Variants in BTRC observed in about 807,000 individuals in gnomAD.
The protein encoded by BTRC is beta-transducin repeat containing E3 ubiquitin protein ligase, also known as F-box/WD repeat-containing protein 1A.
A neutral mutation model predicts 85.5 loss-of-function variants in BTRC; 42 were observed. The ratio of observed to expected loss-of-function variants is 0.49; its 90% confidence interval spans 0.38 to 0.64. The LOEUF (loss-of-function observed/expected upper bound fraction) is 0.64, where lower values mean the gene tolerates loss of function less well. Ranked by LOEUF, BTRC falls within the 30% of genes least tolerant of loss-of-function variation. The pLI, the probability that BTRC is intolerant of heterozygous loss-of-function variation, is 0.00. For missense variants in BTRC, 594 were observed against 743.5 expected (o/e 0.80, Z 2.34); for synonymous variants, 255 against 263.3 (o/e 0.97, Z 0.30).
chr10:101,433,583 CTG>C (rs1261535358), intron 2 of BTRC, among the ~76,000 whole-genome samples: 2 of 152,116 alleles, frequency 1.3e-5, no homozygotes, highest in Non-Finnish European at 2.9e-5. Context: ...GAAAACAAGA[CTG>C]TTGTTTCAGA....
chr10:101,539,169 A>G (rs2062431140), intron 13 of BTRC, among the ~76,000 whole-genome samples: 1 of 152,096 alleles, frequency 6.6e-6, no homozygotes. Context: ...TTTGTTCCCC[A>G]TATACCCCCT....
chr10:101,372,726 A>G (rs939228362), intron 1 of BTRC, among the ~76,000 whole-genome samples: 12 of 151,600 alleles, frequency 7.9e-5, no homozygotes, highest in African/African-American at 4.8e-5. Flanking sequence ...TTAGCCGGGC[A>G]TGGTGGGGCA....
chr10:101,508,957 GTTA>G (rs1164635519), intron 4 of BTRC, among the ~76,000 whole-genome samples: 2 of 138,138 alleles, frequency 1.4e-5, no homozygotes, highest in African/African-American at 5.1e-5. Flanking sequence ...AATGTTAAAA[GTTA>G]TTATCCCACT....
chr10:101,401,923 A>G (rs1291014761), intron 1 of BTRC, among the ~76,000 whole-genome samples: 2 of 152,090 alleles, frequency 1.3e-5, no homozygotes, highest in Admixed American at 6.5e-5. Context: ...AAAGAAAAAC[A>G]GAATGTTGAT....
At chr10:101,485,328 C>T (rs977852564) in intron 4 of BTRC, among the ~76,000 whole-genome samples, 2 of 152,236 alleles carry the variant, frequency 1.3e-5, no homozygotes, top group Non-Finnish European at 2.9e-5. Flanking sequence ...AAACTGAAAG[C>T]TGTCAACAAA....
intron 4 of BTRC, among the ~76,000 whole-genome samples, chr10:101,493,427 G>A (rs1290793842): frequency 6.6e-6 from 1 of 152,170 alleles, no homozygotes; most frequent in Admixed American, 6.5e-5. Flanking sequence ...TTTGCCCAAG[G>A]TCATACTGTA....
At chr10:101,425,576 G>A (rs1245662011) in intron 1 of BTRC, among the ~76,000 whole-genome samples, 2 of 151,896 alleles carry the variant, frequency 1.3e-5, no homozygotes, top group African/African-American at 4.8e-5. Context: ...TTAACAGAAG[G>A]TAAATATTTA....
intron 4 of BTRC, among the ~76,000 whole-genome samples, chr10:101,506,418 A>C (rs1417100604): frequency 6.6e-6 from 1 of 152,026 alleles, no homozygotes; most frequent in Non-Finnish European, 1.5e-5. Context: ...TTTTTTTGTA[A>C]TATTTCAATA....
At chr10:101,441,271 A>G (rs1944672295) in intron 2 of BTRC, among the ~76,000 whole-genome samples, 1 of 152,232 alleles carries the variant, frequency 6.6e-6, no homozygotes, top group Non-Finnish European at 1.5e-5. Context: ...CTTCTTATGT[A>G]TTATGCATCA....
chr10:101,371,241 A>G (rs1342030634), intron 1 of BTRC, among the ~76,000 whole-genome samples: 1 of 151,642 alleles, frequency 6.6e-6, no homozygotes, highest in African/African-American at 2.4e-5. Context: ...CTGGAGTGCA[A>G]TGAATGGCAC....
At position 101,442,271 on chromosome 10, in the gene BTRC, T is replaced by TCTCTCTCTCTCTCTCC. The variant is rs1253207353; in HGVS notation, c.156+11831_156+11832insCTCCCTCTCTCTCTCT. ...CACTAATTGAATTAGAATCTCTCTC[T>TCTCTCTCTCTCTCTCC]CTCTCTCTCTCTGTCTCTGTGTGTA... On this transcript the variant is annotated intron_variant, in intron 2 of 14. Coordinates refer to ENST00000370187, the MANE Select transcript of BTRC (RefSeq NM_033637.4). 6.2e-3 allele frequency among the ~76,000 whole-genome samples: 857 copies of TCTCTCTCTCTCTCTCC among 137,968 alleles called. 5 individuals are homozygous for TCTCTCTCTCTCTCTCC. The highest frequency in any genetic ancestry group is 0.011 in the Non-Finnish European group (654 of 61,662). 90.5% of individuals were successfully genotyped at this position (137,968 alleles called of 152,430 possible). A position where few individuals can be genotyped will look rare whatever the true frequency, so the allele number is the denominator to read the frequency against.
chr10:101,401,078 A>G (rs776728150), intron 1 of BTRC, among the ~76,000 whole-genome samples: 2 of 152,254 alleles, frequency 1.3e-5, no homozygotes, highest in African/African-American at 2.4e-5. Context: ...AATAAATTCT[A>G]TGGCAATAAA....
At chr10:101,391,949 G>T (rs1185575327) in intron 1 of BTRC, among the ~76,000 whole-genome samples, 1 of 152,096 alleles carries the variant, frequency 6.6e-6, no homozygotes, top group Non-Finnish European at 1.5e-5. Context: ...AATTAGAGAA[G>T]AGTCAATTGA....
intron 1 of BTRC, among the ~76,000 whole-genome samples, chr10:101,406,456 A>G (rs1589429704): frequency 7.6e-6 from 1 of 130,914 alleles, no homozygotes; most frequent in Non-Finnish European, 1.6e-5. Context: ...GAGCCACTGC[A>G]CCCGGCCTAC....
chr10:101,355,414 C>T (rs1204671741), intron 1 of BTRC, among the ~76,000 whole-genome samples: 3 of 152,128 alleles, frequency 2.0e-5, no homozygotes, highest in Non-Finnish European at 2.9e-5. Context: ...TTTCTTTTTG[C>T]TGTGCTTATC....
intron 4 of BTRC, among the ~76,000 whole-genome samples, chr10:101,511,836 A>G (rs1301380542): frequency 1.3e-5 from 2 of 152,042 alleles, no homozygotes; most frequent in African/African-American, 4.8e-5. Context: ...GTATTAATAG[A>G]GACGAAGTTT....
intron 1 of BTRC, among the ~76,000 whole-genome samples, chr10:101,366,831 T>A (rs1230754175): frequency 2.4e-4 from 3 of 12,356 alleles, no homozygotes; most frequent in Non-Finnish European, 3.8e-4. Context: ...AATATATATT[T>A]ATATATATTT....
At chr10:101,446,770 A>G (rs973207661) in intron 2 of BTRC, among the ~76,000 whole-genome samples, 26 of 152,176 alleles carry the variant, frequency 1.7e-4, no homozygotes, top group African/African-American at 6.3e-4. Flanking sequence ...AACTCATTGA[A>G]GGCATATGAG....
At chr10:101,508,333 C>T (rs1192442465) in intron 4 of BTRC, among the ~76,000 whole-genome samples, 1 of 152,164 alleles carries the variant, frequency 6.6e-6, no homozygotes, top group African/African-American at 2.4e-5. Flanking sequence ...CATTCAGATT[C>T]ATAATGTGAA....
Sources: allele counts gnomAD v4.1 joint callset (sites outside exome capture counted in the v4.1 genomes callset), GRCh38; gene constraint gnomAD v4.1.1; transcripts MANE v1.5; gene names NCBI Gene and HGNC (gene_info 2026-07-23, HGNC 2026-07-21).